Variants in MMP26 observed in about 807,000 individuals in gnomAD.
MMP26 encodes matrix metalloproteinase-26.
In MMP26, 33 loss-of-function variants were observed where a neutral mutation model predicts 31.0. That is an observed-to-expected ratio of 1.06 (90% CI 0.81 to 1.42). MMP26 has a LOEUF of 1.42. Among genes scored for constraint, MMP26 ranks in the 40% most tolerant of loss-of-function variants. The pLI is 0.00. For synonymous variants in MMP26, 122 were observed against 114.9 expected, an observed-to-expected ratio of 1.06 and a Z score of -0.40; for missense variants, 347 against 316.1, an observed-to-expected ratio of 1.10 and a Z score of -0.74.
chr11:4,856,908 A>T (rs1368077082), intron 2 of MMP26, among the ~76,000 whole-genome samples: 1 of 152,228 alleles, frequency 6.6e-6, no homozygotes, highest in African/African-American at 2.4e-5. Flanking sequence ...AGAACTCAGG[A>T]TTAAGAAACT....
intron 2 of MMP26, chr11:4,908,063 G>A: frequency 1.9e-6 from 3 of 1,614,184 alleles, no homozygotes; most frequent in Non-Finnish European, 2.5e-6. Flanking sequence ...ATCTTTGGCA[G>A]AGAGGCTTAA....
chr11:4,970,870 G>T (rs11034956), intron 2 of MMP26, among the ~76,000 whole-genome samples: 15,648 of 152,058 alleles, frequency 0.1, 1,572 homozygotes, highest in East Asian at 0.3. Flanking sequence ...CCCCGCAGGG[G>T]CTTATGGTGC....
At chr11:4,756,322 T>C (rs1390989369) in intron 1 of MMP26, among the ~76,000 whole-genome samples, 1 of 151,840 alleles carries the variant, frequency 6.6e-6, no homozygotes, top group Non-Finnish European at 1.5e-5. Context: ...AAAGCCAACA[T>C]ACAAATAACT....
intron 2 of MMP26, chr11:4,803,361 C>G: frequency 2.9e-6 from 3 of 1,041,146 alleles, no homozygotes; most frequent in South Asian, 1.6e-5. Context: ...TAAGTAATAG[C>G]CTGTCAAATG....
chr11:4,978,878 C>A (rs1251666285), intron 2 of MMP26, among the ~76,000 whole-genome samples: 1 of 152,004 alleles, frequency 6.6e-6, no homozygotes, highest in Non-Finnish European at 1.5e-5. Context: ...GGTGTTGGGT[C>A]TGATAAGAGA....
Position 4,789,530 on chromosome 11 carries a change from C to CTTTTTTTTTTTTT in MMP26, c.-145+22206_-145+22218dup, listed in dbSNP as rs71050429. 2.8e-3 allele frequency among the ~76,000 whole-genome samples: 186 copies of CTTTTTTTTTTTTT among 65,962 alleles called. 28 individuals carry two copies. Among genetic ancestry groups the CTTTTTTTTTTTTT allele is most frequent in the African/African-American group, 7.1e-3 (132 of 18,636 alleles). 43.3% of individuals were successfully genotyped at this position (65,962 alleles called of 152,430 possible). A position where few individuals can be genotyped will look rare whatever the true frequency, so the allele number is the denominator to read the frequency against. On this transcript the variant is annotated intron_variant, in intron 2 of 7. Coordinates refer to ENST00000380390, the MANE Select transcript of MMP26 (RefSeq NM_021801.5). Reference sequence around the variant, plus strand: ...TCCTGAAGGTAAAGATATCCCCCCACTTTTTTTTTTTTTTTTTTTTTTTTT... The same window carrying CTTTTTTTTTTTTT: ...TCCTGAAGGTAAAGATATCCCCCCACTTTTTTTTTTTTTTTTTTTTTTTTTTTTTTTTTTTTTT...
chr11:4,743,830 G>A (rs1273109651), intron 1 of MMP26, among the ~76,000 whole-genome samples: 1 of 152,016 alleles, frequency 6.6e-6, no homozygotes, highest in Non-Finnish European at 1.5e-5. Context: ...TTTTGAAACA[G>A]GGTCTCACAG....
At chr11:4,773,597 T>A (rs1395294893) in intron 2 of MMP26, among the ~76,000 whole-genome samples, 2 of 116,378 alleles carry the variant, frequency 1.7e-5, no homozygotes, top group Non-Finnish European at 4.2e-5. Flanking sequence ...TTTGTGGGGT[T>A]TTTTTTTTTT....
intron 2 of MMP26, among the ~76,000 whole-genome samples, chr11:4,812,966 T>C (rs1427782150): frequency 1.3e-5 from 2 of 151,852 alleles, no homozygotes; most frequent in African/African-American, 4.9e-5. Context: ...ACAGATATTT[T>C]ATGTATATAT....
At chr11:4,896,381 A>T (rs1449818808) in intron 2 of MMP26, among the ~76,000 whole-genome samples, 1 of 152,122 alleles carries the variant, frequency 6.6e-6, no homozygotes, top group Admixed American at 6.6e-5. Context: ...CAATCCCTCC[A>T]GCTCTGCCAC....
At chr11:4,968,072 A>G (rs925503708) in intron 2 of MMP26, among the ~76,000 whole-genome samples, 6 of 152,142 alleles carry the variant, frequency 3.9e-5, no homozygotes, top group African/African-American at 1.4e-4. Context: ...TCATGAATCC[A>G]TTCAGTTCTA....
chr11:4,875,230 T>C (rs1227180939), intron 2 of MMP26: 1 of 152,052 alleles, frequency 6.6e-6, no homozygotes, highest in Non-Finnish European at 1.5e-5. Flanking sequence ...TCTAATTGCA[T>C]GGAAGAACAT....
chr11:4,958,777 T>C (rs982723462), intron 2 of MMP26, among the ~76,000 whole-genome samples: 6 of 152,222 alleles, frequency 3.9e-5, no homozygotes, highest in African/African-American at 1.2e-4. Context: ...TTAAACTACA[T>C]TTCCTCAGGT....
At chr11:4,755,770 A>T (rs1237794587) in intron 1 of MMP26, among the ~76,000 whole-genome samples, 1 of 152,068 alleles carries the variant, frequency 6.6e-6, no homozygotes, top group Non-Finnish European at 1.5e-5. Flanking sequence ...GCTTATTGGG[A>T]TAGCAACCAT....
At chr11:4,963,072 A>G (rs1846543251) in intron 2 of MMP26, among the ~76,000 whole-genome samples, 1 of 152,116 alleles carries the variant, frequency 6.6e-6, no homozygotes, top group Admixed American at 6.6e-5. Context: ...AATGTACTTA[A>G]ATTCCTATCT....
chr11:4,898,825 CTCTCTCTGTGTG>C (rs1483690689), intron 2 of MMP26, among the ~76,000 whole-genome samples: 5 of 50,956 alleles, frequency 9.8e-5, no homozygotes, highest in African/African-American at 3.7e-4. Context: ...CTCTCTCTCT[CTCTCTCTGTGTG>C]TGTGTGTGTG....
At chr11:4,939,446 C>T (rs1846176431) in intron 2 of MMP26, among the ~76,000 whole-genome samples, 1 of 152,144 alleles carries the variant, frequency 6.6e-6, no homozygotes, top group Non-Finnish European at 1.5e-5. Context: ...TATCTCAGAA[C>T]ACAGTTCCTC....
intron 2 of MMP26, among the ~76,000 whole-genome samples, chr11:4,928,693 T>C (rs1851306321): frequency 6.6e-6 from 1 of 152,124 alleles, no homozygotes; most frequent in African/African-American, 2.4e-5. Flanking sequence ...AGCAGTAAAA[T>C]GAGCTAGGAT....
At chr11:4,743,801 C>T (rs1430311339) in intron 1 of MMP26, among the ~76,000 whole-genome samples, 1 of 151,986 alleles carries the variant, frequency 6.6e-6, no homozygotes, top group East Asian at 1.9e-4. Context: ...AATTTTTGGA[C>T]TACTCGGGTT....
Sources: allele counts gnomAD v4.1 joint callset (sites outside exome capture counted in the v4.1 genomes callset), GRCh38; gene constraint gnomAD v4.1.1; transcripts MANE v1.5; gene names NCBI Gene and HGNC (gene_info 2026-07-23, HGNC 2026-07-21).